The following KCNQ5 variants were observed in gnomAD, a reference collection of about 807,000 sequenced individuals.
KCNQ5 encodes potassium voltage-gated channel subfamily Q member 5, also known as potassium voltage-gated channel subfamily KQT member 5.
A neutral mutation model predicts 98.2 loss-of-function variants in KCNQ5; 30 were observed. That is an observed-to-expected ratio of 0.31 (90% CI 0.23 to 0.41). The LOEUF (loss-of-function observed/expected upper bound fraction) is 0.41, where lower values mean the gene tolerates loss of function less well. Ranked by LOEUF, KCNQ5 falls within the 10% of genes least tolerant of loss-of-function variation. The probability of loss-of-function intolerance (pLI) is 1.00; values close to 1 mark genes in which losing one functional copy is unlikely to be tolerated. For missense variants in KCNQ5, 835 were observed against 1,182.5 expected (o/e 0.71, Z 4.31); for synonymous variants, 458 against 449.4 (o/e 1.02, Z -0.24).
chr6:73,122,601 C>A (rs535437598), intron 8 of KCNQ5, among the ~76,000 whole-genome samples: 61 of 152,294 alleles, frequency 4.0e-4, no homozygotes, highest in African/African-American at 1.4e-3. Flanking sequence ...AATGACACAG[C>A]AGTCACTGGT....
intron 1 of KCNQ5, among the ~76,000 whole-genome samples, chr6:72,657,854 T>G (rs1345467127): frequency 5.3e-5 from 8 of 152,240 alleles, no homozygotes; most frequent in African/African-American, 1.9e-4. Flanking sequence ...CTATTCTCAC[T>G]TGTTATTCGT....
chr6:72,958,598 G>C (rs1345229448), intron 1 of KCNQ5, among the ~76,000 whole-genome samples: 3 of 152,044 alleles, frequency 2.0e-5, no homozygotes, highest in Non-Finnish European at 4.4e-5. Flanking sequence ...AGATTATTTT[G>C]TGCAGGTATA....
At chr6:73,175,153 C>A (rs1029742228) in intron 11 of KCNQ5, among the ~76,000 whole-genome samples, 2 of 151,232 alleles carry the variant, frequency 1.3e-5, no homozygotes, top group African/African-American at 4.9e-5. Context: ...GTTGGAAGAG[C>A]AGTTTTTTTT....
chr6:73,178,062 A>G (rs1242804422), intron 11 of KCNQ5, among the ~76,000 whole-genome samples: 1 of 152,002 alleles, frequency 6.6e-6, no homozygotes, highest in Non-Finnish European at 1.5e-5. Flanking sequence ...AAAGTAGTCA[A>G]CATGTATAGT....
At chr6:72,816,332 G>T (rs1380141225) in intron 1 of KCNQ5, among the ~76,000 whole-genome samples, 1 of 152,138 alleles carries the variant, frequency 6.6e-6, no homozygotes, top group Non-Finnish European at 1.5e-5. Flanking sequence ...GAGCATAGAA[G>T]ATTTTCTCAA....
chr6:73,028,242 A>G (rs1451221522), intron 2 of KCNQ5, among the ~76,000 whole-genome samples: 1 of 152,216 alleles, frequency 6.6e-6, no homozygotes, highest in Non-Finnish European at 1.5e-5. Flanking sequence ...CACCACGGCA[A>G]GACGGTGTGA....
At chr6:73,085,478 T>C (rs112571272) in intron 5 of KCNQ5, among the ~76,000 whole-genome samples, 11,261 of 152,204 alleles carry the variant, frequency 0.074, 1,203 homozygotes, top group African/African-American at 0.24. Flanking sequence ...CCCTAGCTCC[T>C]TTGAAATCAG....
intron 1 of KCNQ5, among the ~76,000 whole-genome samples, chr6:72,901,668 G>T (rs1290589621): frequency 6.6e-6 from 1 of 151,942 alleles, no homozygotes; most frequent in Non-Finnish European, 1.5e-5. Context: ...AAGTATCTGG[G>T]TTTATTTCTA....
chr6:72,622,339 G>C lies in KCNQ5; in HGVS notation c.150G>C (p.Ser50=), dbSNP rs769554807. ...GCCGGGGCAGGGTGCTGCTGAACTCGGCAGCCGCCAGGGGCGACGGCCTGC... is the reference window on the plus strand; with the variant it reads ...GCCGGGGCAGGGTGCTGCTGAACTCCGCAGCCGCCAGGGGCGACGGCCTGC... The part of the protein sequence containing the change: ...ESGRGRVLLN[S]AAARGDGLLL... Residue 50 remains serine (S), a synonymous_variant, in exon 1 of 14, where the codon TCG becomes TCC. Coordinates refer to ENST00000370398, the MANE Select transcript of KCNQ5 (RefSeq NM_019842.4). This position sits in a 1 kb window ranked among gnomAD's most constrained non-coding sequence, Gnocchi z 6.0. 3.5e-6 allele frequency: 5 copies of C among 1,424,884 alleles called. No individual in the cohort carries two copies. Among genetic ancestry groups the C allele is most frequent in the African/African-American group, 3.0e-5 (2 of 66,898 alleles). 88.3% of individuals were successfully genotyped at this position (1,424,884 alleles called of 1,614,324 possible). A position where few individuals can be genotyped will look rare whatever the true frequency, so the allele number is the denominator to read the frequency against.
intron 10 of KCNQ5, among the ~76,000 whole-genome samples, chr6:73,151,663 T>G (rs920981632): frequency 2.0e-5 from 3 of 152,220 alleles, no homozygotes; most frequent in Admixed American, 6.5e-5. Flanking sequence ...TCAGTCCCAT[T>G]GTGACTTTTC....
intron 1 of KCNQ5, among the ~76,000 whole-genome samples, chr6:72,940,054 G>A (rs2150238282): frequency 6.6e-6 from 1 of 152,150 alleles, no homozygotes; most frequent in African/African-American, 2.4e-5. Context: ...ATGCCTCTCT[G>A]GGCCCTAGTT....
chr6:72,903,118 G>A (rs548993798), intron 1 of KCNQ5, among the ~76,000 whole-genome samples: 28 of 151,992 alleles, frequency 1.8e-4, no homozygotes, highest in African/African-American at 6.3e-4. Context: ...CTTTATGCAC[G>A]TAAAGGTGTT....
intron 1 of KCNQ5, among the ~76,000 whole-genome samples, chr6:72,822,285 G>C (rs1327653296): frequency 6.6e-6 from 1 of 152,170 alleles, no homozygotes; most frequent in South Asian, 2.1e-4. Flanking sequence ...GTCAGCATCT[G>C]CCACTGTATG....
intron 5 of KCNQ5, among the ~76,000 whole-genome samples, chr6:73,083,877 G>A (rs944136971): frequency 6.6e-6 from 1 of 152,200 alleles, no homozygotes; most frequent in African/African-American, 2.4e-5. Context: ...CATTTGCTAT[G>A]CAGAGTAAAA....
intron 5 of KCNQ5, among the ~76,000 whole-genome samples, chr6:73,098,698 A>G (rs1774628536): frequency 6.6e-6 from 1 of 152,206 alleles, no homozygotes; most frequent in African/African-American, 2.4e-5. Context: ...TCCCAGACAA[A>G]CAAAAACTGA....
intron 1 of KCNQ5, among the ~76,000 whole-genome samples, chr6:72,735,537 T>C (rs1462713353): frequency 2.6e-5 from 4 of 152,116 alleles, no homozygotes; most frequent in African/African-American, 9.6e-5. Context: ...CTTTAAACTA[T>C]CTTCATAAAA....
chr6:73,070,260 A>G (rs1773242807), intron 3 of KCNQ5, among the ~76,000 whole-genome samples: 1 of 152,224 alleles, frequency 6.6e-6, no homozygotes, highest in South Asian at 2.1e-4. Context: ...GCAATAAAAC[A>G]TAATAGAATC....
At chr6:72,669,779 T>C (rs1767006957) in intron 1 of KCNQ5, among the ~76,000 whole-genome samples, 1 of 152,270 alleles carries the variant, frequency 6.6e-6, no homozygotes. Flanking sequence ...GCTGGTGTAA[T>C]CCTACTCCTG....
intron 1 of KCNQ5, among the ~76,000 whole-genome samples, chr6:72,623,118 G>T (rs1350494176): frequency 3.3e-5 from 5 of 152,068 alleles, no homozygotes; most frequent in Admixed American, 2.0e-4. Flanking sequence ...TTTTAAGCGC[G>T]CCCGGAAACA....
Sources: gnomAD v4.1 joint callset for allele counts (sites outside exome capture counted in the v4.1 genomes callset) on GRCh38, gnomAD v4.1.1 for gene constraint, Gnocchi (gnomAD v3.1) non-coding constraint, MANE v1.5 for transcripts, NCBI Gene and HGNC (gene_info 2026-07-23, HGNC 2026-07-21) for gene names.